The following KIF22 variants were observed in gnomAD, a reference collection of about 807,000 sequenced individuals.
KIF22 encodes the protein kinesin family member 22.
KIF22 carries 62 observed loss-of-function variants against 73.0 expected under a neutral mutation model. The observed-to-expected ratio is 0.85, with a 90% confidence interval of 0.69 to 1.05. KIF22 has a LOEUF of 1.05. Among genes scored for constraint, KIF22 ranks in the 50% least tolerant of loss-of-function variants. The probability of loss-of-function intolerance (pLI) is 0.00; values close to 1 mark genes in which losing one functional copy is unlikely to be tolerated. For missense variants in KIF22, 854 were observed against 870.1 expected, an observed-to-expected ratio of 0.98 and a Z score of 0.23; for synonymous variants, 411 against 340.1, an observed-to-expected ratio of 1.21 and a Z score of -2.29.
At chr16:29,803,107 G>C (rs1899198784) in intron 9 of KIF22, among the ~76,000 whole-genome samples, 170 bp downstream of exon 9, 1 of 152,028 alleles carries the variant, frequency 6.6e-6, no homozygotes, top group Non-Finnish European at 1.5e-5. Context: ...AACTTTGACA[G>C]ACAATTGAGA....
In KIF22 at chr16:29,797,047, G is replaced by C. The variant is rs763497352; in HGVS notation, c.225G>C (p.Glu75Asp). ...CVRGMDSCSL[E>D]IANWRNHQET... ...GGGGCATGGACAGCTGCTCTCTAGAGATTGCTAACTGGAGGAACCACCAGG... is the reference window on the plus strand; with the variant it reads ...GGGGCATGGACAGCTGCTCTCTAGACATTGCTAACTGGAGGAACCACCAGG... The change falls in exon 2 of 14, where the codon GAG (glutamate) becomes GAC (aspartate). Residue 75 changes from glutamate to aspartate, a missense_variant. Glu to Asp is a conservative substitution (Grantham distance 45). Coordinates refer to ENST00000160827, the MANE Select transcript of KIF22 (RefSeq NM_007317.3). The surrounding 1 kb of genome is among the most constrained non-coding windows in gnomAD (Gnocchi z 4.1). The C allele has an allele frequency of 6.2e-7, 1 of 1,606,870 alleles. No homozygotes were observed. The highest frequency in any genetic ancestry group is 1.1e-5 in the South Asian group (1 of 90,562).
chr16:29,798,340 A>T lies in KIF22; in HGVS notation c.267-34A>T. On this transcript the variant is annotated intron_variant, in intron 2 of 13. Transcript: ENST00000160827. The surrounding 1 kb of genome is among the most constrained non-coding windows in gnomAD (Gnocchi z 4.1). ...CACACACACACACACACACACACAC[A>T]CACACACGCTAATTTCTTTCTTTCT... is the stretch of plus-strand genomic sequence containing the variant. 1 of 1,579,690 alleles carries T rather than the reference A, an allele frequency of 6.3e-7. No homozygotes were observed. Among genetic ancestry groups the T allele is most frequent in the South Asian group, 1.1e-5 (1 of 90,038 alleles).
At position 29,800,010 on chromosome 16, in the gene KIF22, G is replaced by A. The variant is rs1389170440; in HGVS notation, c.1242G>A (p.Glu414=). ...AGGAAGAGGAGATCGGGAGCCCTGA[G>A]CCCATGGCAGCTCCAGCCTCTGCCT... ...GPEEEEIGSP[E]PMAAPASASQ... Residue 414 remains glutamate (E), a synonymous_variant, in exon 8 of 14, where the codon GAG becomes GAA. Transcript: ENST00000160827. 6.2e-7 allele frequency: 1 copy of A among 1,613,638 alleles called. No homozygotes were observed. The highest frequency in any genetic ancestry group is 1.7e-5 in the Admixed American group (1 of 60,024).
rs757660717 is a variant in KIF22, at chr16:29,799,830, G to A, written c.1144+49G>A. 6.2e-6 allele frequency: 10 copies of A among 1,612,738 alleles called. No homozygotes were observed. In the African/African-American group the frequency reaches 1.3e-4, roughly 22 times the overall value. ...TGGAAACGCTGGGTCTGGAAATTAG[G>A]GAGTTTGTTGAAACCACCAAGCATC... On this transcript the variant is annotated intron_variant, in intron 7 of 13. Transcript: ENST00000160827.
chr16:29,799,745 A>G lies in KIF22; in HGVS notation c.1108A>G (p.Asn370Asp). Residue 370 changes from asparagine to aspartate, a missense_variant, in exon 7 of 14, where the codon AAT becomes GAT. Physicochemically the swap from Asn to Asp is conservative, Grantham distance 23. Transcript: ENST00000160827. ...NFAARSKEVINRPFTNESLQP... is the reference protein window; with the variant it reads ...NFAARSKEVIDRPFTNESLQP... ...TGCTGCCAGGTCCAAGGAGGTGATCAATCGGCCTTTTACCAATGAGAGCCT... is the reference window on the plus strand; with the variant it reads ...TGCTGCCAGGTCCAAGGAGGTGATCGATCGGCCTTTTACCAATGAGAGCCT... 1 of 1,613,310 alleles carries G rather than the reference A, an allele frequency of 6.2e-7. No individual in the cohort carries two copies. The highest frequency in any genetic ancestry group is 8.5e-7 in the Non-Finnish European group (1 of 1,179,624).
At chr16:29,796,398 T>G in intron 1 of KIF22, among the ~76,000 whole-genome samples, 1 of 151,644 alleles carries the variant, frequency 6.6e-6, no homozygotes. Flanking sequence ...CTGGTCTACT[T>G]CACCCTTGGC....
chr16:29,793,509 G>A (rs1898872803), intron 1 of KIF22, among the ~76,000 whole-genome samples: 1 of 152,210 alleles, frequency 6.6e-6, no homozygotes, highest in African/African-American at 2.4e-5. Flanking sequence ...ACGTGCAATA[G>A]GACTTATCAG....
Position 29,796,422 on chromosome 16 carries a change from T to A in KIF22, c.71-471T>A, listed in dbSNP as rs187650376. On this transcript the variant is annotated intron_variant, in intron 1 of 13. Transcript: ENST00000160827. Reference sequence around the variant, plus strand: ...TTCACCCTTGGCAATTCAAAACATGTCCTGGGCCAGGCATGGTGGCTCCTG... The same window carrying A: ...TTCACCCTTGGCAATTCAAAACATGACCTGGGCCAGGCATGGTGGCTCCTG... Among the ~76,000 whole-genome samples, 177 of 151,450 alleles carry A rather than the reference T, an allele frequency of 1.2e-3. 2 individuals are homozygous for A. The highest frequency in any genetic ancestry group is 8.8e-4 in the Non-Finnish European group (60 of 67,822).
chr16:29,802,855 AG>A lies in KIF22; in HGVS notation c.1372del (p.Ala458ProfsTer4). On this transcript the variant is annotated frameshift_variant, in exon 9 of 14. Transcript: ENST00000160827. LOFTEE classifies it high-confidence loss of function. ...CGTCTGCTTGCCTCCCAGGGGAGCCAGGGGGCCCCTCTGTTGAGTACCCCAA... is the reference window on the plus strand; with the variant it reads ...CGTCTGCTTGCCTCCCAGGGGAGCCAGGGGCCCCTCTGTTGAGTACCCCAA... ...LDRLLASQGSQGAPLLSTPKR... is the reference protein window; with the variant it reads ...LDRLLASQGSXGAPLLSTPKR... The A allele has an allele frequency of 6.2e-7, 1 of 1,611,496 alleles. No homozygotes were observed. Among genetic ancestry groups the A allele is most frequent in the South Asian group, 1.1e-5 (1 of 90,408 alleles).
rs1567359415 is a variant in KIF22, at chr16:29,799,670, AT to A, written c.1035del (p.Ile345MetfsTer9). 1 of 1,613,762 alleles carries A rather than the reference AT, an allele frequency of 6.2e-7. No individual in the cohort carries two copies. The highest frequency in any genetic ancestry group is 8.5e-7 in the Non-Finnish European group (1 of 1,179,968). On this transcript the variant is annotated frameshift_variant, in exon 7 of 14. Transcript: ENST00000160827. LOFTEE classifies it high-confidence loss of function. Reference sequence around the variant, plus strand: ...AGCCCACAGTATCCTTATTGCCAACATTGCCCCTGAGAGACGCTTCTACCTA... The same window carrying A: ...AGCCCACAGTATCCTTATTGCCAACATGCCCCTGAGAGACGCTTCTACCTA... ...GSAHSILIAN[I>X]APERRFYLDT...
At position 29,805,356 on chromosome 16, in the gene KIF22, T is replaced by A. The variant is rs113809977; in HGVS notation, c.*46T>A. 6.3e-7 allele frequency: 1 copy of A among 1,589,636 alleles called. No homozygotes were observed. Among genetic ancestry groups the A allele is most frequent in the Admixed American group, 1.7e-5 (1 of 59,924 alleles). On this transcript the variant is annotated 3_prime_UTR_variant, in exon 14 of 14. Coordinates refer to ENST00000160827, the MANE Select transcript of KIF22 (RefSeq NM_007317.3). ...CTTTTCAAATTTTTGTATAACCCCG[T>A]GTTGTGTAAATACAGTTTTTGCTCC...
At chr16:29,803,929 TCGAAGGGC>T in intron 10 of KIF22, 61 bp from the exon 11 acceptor site, 1 of 1,203,144 alleles carries the variant, frequency 8.3e-7, no homozygotes, top group Non-Finnish European at 1.2e-6. Context: ...AATGGAAGAA[TCGAAGGGC>T]TACCAGGGAG....
chr16:29,795,003 C>T (rs1327964088), intron 1 of KIF22, among the ~76,000 whole-genome samples: 3 of 152,206 alleles, frequency 2.0e-5, no homozygotes, highest in Admixed American at 6.5e-5. Flanking sequence ...CCAGAGTCTA[C>T]ACTCTACCTC....
Position 29,799,504 on chromosome 16 carries a change from A to G in KIF22, c.990+10A>G. Reference sequence around the variant, plus strand: ...CACTCGCCTATTGCAGGTCAGGCCCACCTGTCTCAGGGAAGAAGGGGCTGC... The same window carrying G: ...CACTCGCCTATTGCAGGTCAGGCCCGCCTGTCTCAGGGAAGAAGGGGCTGC... On this transcript the variant is annotated intron_variant, in intron 6 of 13. Coordinates refer to ENST00000160827, the MANE Select transcript of KIF22 (RefSeq NM_007317.3). 1 of 1,613,876 alleles carries G rather than the reference A, an allele frequency of 6.2e-7. No homozygotes were observed. Among genetic ancestry groups the G allele is most frequent in the Non-Finnish European group, 8.5e-7 (1 of 1,179,826 alleles).
chr16:29,801,977 A>G (rs1208130666), intron 8 of KIF22, among the ~76,000 whole-genome samples: 1 of 152,022 alleles, frequency 6.6e-6, no homozygotes, highest in East Asian at 1.9e-4. Context: ...TGAATGTTAG[A>G]CGTTGCTGAC....
intron 8 of KIF22, 50 bp downstream of exon 8, chr16:29,800,098 A>T (rs372559625): frequency 9.6e-6 from 15 of 1,561,328 alleles, no homozygotes; most frequent in African/African-American, 2.7e-5. Flanking sequence ...ATGGCTTAGC[A>T]GCAGAGCTGC....
Position 29,798,319 on chromosome 16 carries a change from C to T in KIF22, c.267-55C>T, listed in dbSNP as rs1157234623. ...CCCACCCCACTCCACCCCTTACACA[C>T]ACACACACACACACACACACACACA... is the stretch of plus-strand genomic sequence containing the variant. On this transcript the variant is annotated intron_variant, in intron 2 of 13. Transcript: ENST00000160827. This position sits in a 1 kb window ranked among gnomAD's most constrained non-coding sequence, Gnocchi z 4.1. 2.0e-5 allele frequency: 8 copies of T among 392,948 alleles called. No individual in the cohort carries two copies. The highest frequency in any genetic ancestry group is 5.2e-5 in the South Asian group (1 of 19,060). 24.3% of individuals were successfully genotyped at this position (392,948 alleles called of 1,614,324 possible).
In KIF22 at chr16:29,802,781, G is replaced by A. The variant is rs1290649344; in HGVS notation, c.1293G>A (p.Lys431=). 4 of 1,581,086 alleles carry A rather than the reference G, an allele frequency of 2.5e-6. No individual in the cohort carries two copies. Among genetic ancestry groups the A allele is most frequent in the South Asian group, 2.3e-5 (2 of 85,832 alleles). ...SASQKLSPLQ[K]LSSMDPAMLE... ...TTTTTCTGCTCAGCCCCCTACAGAA[G>A]CTAAGCAGCATGGACCCGGCCATGC... Residue 431 remains lysine, a synonymous_variant, in exon 9 of 14, where the codon AAG becomes AAA. Transcript: ENST00000160827.
At chr16:29,804,489 G>A (rs925328379) in intron 11 of KIF22, 6 of 649,160 alleles carry the variant, frequency 9.2e-6, no homozygotes. Context: ...TTGAAAGACA[G>A]CTTATTCTTT....
Sources: allele counts gnomAD v4.1 joint callset (sites outside exome capture counted in the v4.1 genomes callset), GRCh38; gene constraint gnomAD v4.1.1; non-coding constraint Gnocchi (gnomAD v3.1); transcripts MANE v1.5; gene names NCBI Gene and HGNC (gene_info 2026-07-23, HGNC 2026-07-21).